The following GOLGA8B variants were observed in gnomAD, a reference collection of about 807,000 sequenced individuals.
GOLGA8B encodes the protein golgin subfamily A member 8B.
A neutral mutation model predicts 15.6 loss-of-function variants in GOLGA8B; 1 was observed. That is an observed-to-expected ratio of 0.06 (90% CI 0.02 to 0.30). GOLGA8B has a LOEUF of 0.30. Ranked by LOEUF, GOLGA8B falls within the 10% of genes least tolerant of loss-of-function variation. The probability of loss-of-function intolerance (pLI) is 1.00; values close to 1 mark genes in which losing one functional copy is unlikely to be tolerated. For synonymous variants in GOLGA8B, 9 were observed against 80.3 expected (o/e 0.11, Z 4.75); for missense variants, 17 against 201.3 (o/e 0.08, Z 5.54).
At chr15:34,581,156 C>T (rs1357597884) in intron 1 of GOLGA8B, among the ~76,000 whole-genome samples, 1 of 152,236 alleles carries the variant, frequency 6.6e-6, no homozygotes, top group Non-Finnish European at 1.5e-5. Context: ...GACTTCAGAC[C>T]ATGGTGTCAC....
At chr15:34,579,775 C>T (rs1004560579) in intron 1 of GOLGA8B, among the ~76,000 whole-genome samples, 2 of 152,206 alleles carry the variant, frequency 1.3e-5, no homozygotes, top group African/African-American at 4.8e-5. Context: ...GACTACTGCT[C>T]CCGTGTTTCA....
chr15:34,583,141 C>G (rs1201106838), intron 1 of GOLGA8B, among the ~76,000 whole-genome samples: 3 of 152,088 alleles, frequency 2.0e-5, no homozygotes, highest in African/African-American at 7.2e-5. Flanking sequence ...GCGGAACGCA[C>G]CAGCGGCCCG....
chr15:34,570,665 C>T (rs1302617536), intron 1 of GOLGA8B, among the ~76,000 whole-genome samples: 3 of 126,712 alleles, frequency 2.4e-5, no homozygotes, highest in African/African-American at 8.3e-5. Flanking sequence ...TAAAAAAATA[C>T]GAGAGGAAGA....
intron 1 of GOLGA8B, chr15:34,574,726 G>A (rs1217636930): frequency 2.0e-5 from 3 of 152,438 alleles, no homozygotes; most frequent in Non-Finnish European, 2.9e-5. Context: ...ATAATGAAGC[G>A]GGCATGGGCC....
intron 1 of GOLGA8B, among the ~76,000 whole-genome samples, chr15:34,568,208 G>A (rs569888474): frequency 6.9e-6 from 1 of 145,476 alleles, no homozygotes; most frequent in African/African-American, 2.5e-5. Context: ...GAGCTGGAGA[G>A]AGCTTAGGAC....
At chr15:34,572,580 A>T (rs1360188870) in intron 1 of GOLGA8B, among the ~76,000 whole-genome samples, 9 of 152,248 alleles carry the variant, frequency 5.9e-5, no homozygotes, top group Non-Finnish European at 1.2e-4. Flanking sequence ...ATATGTATGT[A>T]TTTAAAAGAC....
intron 1 of GOLGA8B, among the ~76,000 whole-genome samples, chr15:34,578,824 C>T (rs960554457): frequency 5.9e-5 from 9 of 152,158 alleles, no homozygotes; most frequent in Non-Finnish European, 7.3e-5. Context: ...ATCTCAACCA[C>T]ATATTTTTTT....
Position 34,565,047 on chromosome 15 carries a change from A to G in GOLGA8B, c.-1122-11091T>C. ...GGGTGGGTGGCAGGGGCTACGGAGA[A>G]GGTGGTTGAGTTTAGCTCCAGTCCC... On this transcript the variant is annotated intron_variant, in intron 1 of 23. Transcript: ENST00000683415. Among the ~76,000 whole-genome samples, 2 of 143,680 alleles carry G rather than the reference A, an allele frequency of 1.4e-5. 1 individual carries two copies. Among genetic ancestry groups the G allele is most frequent in the Non-Finnish European group, 3.2e-5 (2 of 62,602 alleles). The allele number at this position is 143,680 out of a possible 152,430, so 94.3% of individuals were successfully genotyped here. A position where few individuals can be genotyped will look rare whatever the true frequency, so the allele number is the denominator to read the frequency against.
chr15:34,572,882 T>A (rs192950314), intron 1 of GOLGA8B, among the ~76,000 whole-genome samples: 2,480 of 152,280 alleles, frequency 0.016, 38 homozygotes, highest in Middle Eastern at 0.037. Flanking sequence ...CAACTCCAAA[T>A]TCCACTGCCA....
At chr15:34,582,006 C>G (rs1889249786) in intron 1 of GOLGA8B, among the ~76,000 whole-genome samples, 1 of 152,160 alleles carries the variant, frequency 6.6e-6, no homozygotes, top group Non-Finnish European at 1.5e-5. Flanking sequence ...CCCGGAGCCC[C>G]AGCAAGTTCC....
rs78782884 is a variant in GOLGA8B, at chr15:34,560,170, G to T, written c.-1122-6214C>A. Among the ~76,000 whole-genome samples, 201 of 124,720 alleles carry T rather than the reference G, an allele frequency of 1.6e-3. 17 individuals are homozygous for T. Among genetic ancestry groups the T allele is most frequent in the African/African-American group, 5.0e-3 (192 of 38,576 alleles). 81.8% of individuals were successfully genotyped at this position (124,720 alleles called of 152,430 possible). On this transcript the variant is annotated intron_variant, in intron 1 of 23. Coordinates refer to ENST00000683415, the MANE Select transcript of GOLGA8B (RefSeq NM_001023567.5). Reference sequence around the variant, plus strand: ...AGTAAAGTGACTGTGGTCATGCCTTGTGAGTGTCATTAAAATAAACAGATA... The same window carrying T: ...AGTAAAGTGACTGTGGTCATGCCTTTTGAGTGTCATTAAAATAAACAGATA...
At chr15:34,570,191 T>C (rs1219956905) in intron 1 of GOLGA8B, among the ~76,000 whole-genome samples, 1 of 151,792 alleles carries the variant, frequency 6.6e-6, no homozygotes, top group African/African-American at 2.4e-5. Flanking sequence ...CTTGCTGGCA[T>C]GGGTCCCAGA....
At chr15:34,572,839 C>T (rs1436295147) in intron 1 of GOLGA8B, among the ~76,000 whole-genome samples, 15 of 152,282 alleles carry the variant, frequency 9.9e-5, no homozygotes, top group Middle Eastern at 3.4e-3. Flanking sequence ...ATATGTTAGG[C>T]GCCACCCCCG....
intron 1 of GOLGA8B, among the ~76,000 whole-genome samples, chr15:34,557,686 G>A (rs1358248593): frequency 9.4e-6 from 1 of 105,926 alleles, no homozygotes; most frequent in East Asian, 2.4e-4. Flanking sequence ...GTGTGTGTCT[G>A]TGTACTGAGA....
intron 1 of GOLGA8B, among the ~76,000 whole-genome samples, chr15:34,567,910 C>G (rs1176250691): frequency 6.6e-6 from 1 of 151,276 alleles, no homozygotes; most frequent in Non-Finnish European, 1.5e-5. Flanking sequence ...GCCACTTACC[C>G]CTTTTTCATC....
rs1206612283 is a variant in GOLGA8B, at chr15:34,525,795, T to C, written c.*1837A>G. 6.7e-6 allele frequency: 1 copy of C among 149,562 alleles called. No individual in the cohort carries two copies. Among genetic ancestry groups the C allele is most frequent in the African/African-American group, 2.5e-5 (1 of 40,304 alleles). 9.3% of individuals were successfully genotyped at this position (149,562 alleles called of 1,614,324 possible). A position where few individuals can be genotyped will look rare whatever the true frequency, so the allele number is the denominator to read the frequency against. ...TCAGTGAATGCCGGCAAATCTGTTA[T>C]TCCATTGGCAAAATCGTATTGCTGC... On this transcript the variant is annotated 3_prime_UTR_variant, in exon 24 of 24. Transcript: ENST00000683415.
intron 1 of GOLGA8B, among the ~76,000 whole-genome samples, chr15:34,581,874 C>A (rs1290136469): frequency 6.6e-6 from 1 of 152,182 alleles, no homozygotes; most frequent in African/African-American, 2.4e-5. Context: ...TGCCATCACC[C>A]AGTCCCAGCC....
chr15:34,549,327 ACATGTTCAGACCAC>A (rs1358131746), intron 4 of GOLGA8B, among the ~76,000 whole-genome samples: 3 of 43,418 alleles, frequency 6.9e-5, no homozygotes, highest in Non-Finnish European at 1.4e-4. Flanking sequence ...ACTCTAGCCA[ACATGTTCAGACCAC>A]CATGGACTCC....
At chr15:34,565,130 G>T (rs173259) in intron 1 of GOLGA8B, among the ~76,000 whole-genome samples, 58,701 of 112,538 alleles carry the variant, frequency 0.52, 17,465 homozygotes, top group African/African-American at 0.67. Flanking sequence ...CTTAGATCCA[G>T]TTCTCTTTTT....
Sources: gnomAD v4.1 joint callset for allele counts (sites outside exome capture counted in the v4.1 genomes callset) on GRCh38, gnomAD v4.1.1 for gene constraint, MANE v1.5 for transcripts, NCBI Gene and HGNC (gene_info 2026-07-23, HGNC 2026-07-21) for gene names.